The following SNX29 variants were observed in gnomAD, a reference collection of about 807,000 sequenced individuals.
The protein encoded by SNX29 is sorting nexin-29.
In SNX29, 78 loss-of-function variants were observed where a neutral mutation model predicts 102.1. The observed-to-expected ratio is 0.76, with a 90% CI of 0.64 to 0.92. The LOEUF (loss-of-function observed/expected upper bound fraction) is 0.92, where lower values mean the gene tolerates loss of function less well. Among genes scored for constraint, SNX29 ranks in the 40% least tolerant of loss-of-function variants. SNX29 has a pLI of 0.00. For synonymous variants in SNX29, 580 were observed against 414.5 expected (o/e 1.40, Z -4.85); for missense variants, 1,280 against 1,061.7 (o/e 1.21, Z -2.86).
chr16:12,250,685 G>T (rs1244091102), intron 14 of SNX29, among the ~76,000 whole-genome samples: 1 of 152,242 alleles, frequency 6.6e-6, no homozygotes, highest in Non-Finnish European at 1.5e-5. Context: ...GCAGATCTGT[G>T]CACAGGTGGT....
At chr16:12,299,121 G>A (rs184853040) in intron 15 of SNX29, among the ~76,000 whole-genome samples, 197 of 152,052 alleles carry the variant, frequency 1.3e-3, no homozygotes, top group African/African-American at 4.4e-3. Context: ...CCAACATGGC[G>A]AGACCCTATC....
chr16:12,232,105 T>C (rs911320419), intron 14 of SNX29, among the ~76,000 whole-genome samples: 6 of 152,204 alleles, frequency 3.9e-5, no homozygotes, highest in Admixed American at 3.3e-4. Flanking sequence ...GCAGTTGTTG[T>C]GATTTAGGCA....
chr16:12,482,507 C>T (rs139809767), intron 19 of SNX29, among the ~76,000 whole-genome samples: 1,552 of 152,074 alleles, frequency 0.01, 23 homozygotes, highest in African/African-American at 0.036. Flanking sequence ...TCACCATGTT[C>T]GCCAGGCTGG....
chr16:12,015,299 G>A (rs2056810341), intron 3 of SNX29, among the ~76,000 whole-genome samples: 1 of 151,688 alleles, frequency 6.6e-6, no homozygotes, highest in African/African-American at 2.4e-5. Flanking sequence ...CCAGATTGGA[G>A]TGCTGTAGTG....
intron 19 of SNX29, chr16:12,515,473 GA>G: frequency 2.1e-6 from 1 of 483,552 alleles, no homozygotes; most frequent in African/African-American, 2.0e-5. Flanking sequence ...CTCTGAAATA[GA>G]ACTGAAACCC....
At chr16:12,445,744 T>G (rs1004000624) in intron 18 of SNX29, among the ~76,000 whole-genome samples, 4 of 152,222 alleles carry the variant, frequency 2.6e-5, no homozygotes, top group African/African-American at 9.6e-5. Flanking sequence ...TAAAAATGGC[T>G]GACACTCAGC....
chr16:12,412,647 C>T (rs1558819), intron 18 of SNX29, among the ~76,000 whole-genome samples: 7 of 152,084 alleles, frequency 4.6e-5, no homozygotes, highest in Non-Finnish European at 1.0e-4. Context: ...TAGAGCTCAC[C>T]TGTGTGTGCG....
chr16:12,571,855 C>T lies in SNX29; in HGVS notation c.*3226C>T, dbSNP rs972647049. On this transcript the variant is annotated 3_prime_UTR_variant, in exon 21 of 21. Coordinates refer to ENST00000566228, the MANE Select transcript of SNX29 (RefSeq NM_032167.5). ...TTAGCAGTATGCTCCAATCACGTTG[C>T]TGGCAAGGCATTTTAGAGTTTGGAG... The T allele has an allele frequency of 1.9e-6, 2 of 1,060,000 alleles. No homozygotes were observed. Among genetic ancestry groups the T allele is most frequent in the East Asian group, 5.1e-5 (1 of 19,594 alleles). The allele number at this position is 1,060,000 out of a possible 1,614,324, so 65.7% of individuals were successfully genotyped here.
At chr16:12,547,935 C>A (rs1187931070) in intron 20 of SNX29, among the ~76,000 whole-genome samples, 2 of 152,152 alleles carry the variant, frequency 1.3e-5, no homozygotes, top group African/African-American at 2.4e-5. Flanking sequence ...TACCTCAATT[C>A]CCAGTCTGCC....
intron 10 of SNX29, among the ~76,000 whole-genome samples, chr16:12,071,733 T>C (rs181224453): frequency 4.9e-4 from 75 of 152,318 alleles, no homozygotes; most frequent in Non-Finnish European, 9.3e-4. Flanking sequence ...TTGATGGGGA[T>C]GGCATTGAAT....
intron 15 of SNX29, among the ~76,000 whole-genome samples, chr16:12,337,269 T>C (rs1020627164): frequency 6.6e-6 from 1 of 152,134 alleles, no homozygotes; most frequent in Non-Finnish European, 1.5e-5. Flanking sequence ...TTTTTTTTTT[T>C]ACTTAGCTAT....
chr16:12,045,899 C>T (rs62037734), intron 5 of SNX29, among the ~76,000 whole-genome samples: 59,546 of 151,696 alleles, frequency 0.39, 12,348 homozygotes, highest in Middle Eastern at 0.5. Flanking sequence ...GCTGGGATTA[C>T]AGGTGTGAGC....
At chr16:12,394,511 T>G (rs1281607492) in intron 16 of SNX29, among the ~76,000 whole-genome samples, 1 of 152,220 alleles carries the variant, frequency 6.6e-6, no homozygotes, top group Non-Finnish European at 1.5e-5. Context: ...CTTGGCTATT[T>G]TTTTATCTCT....
At position 11,997,635 on chromosome 16, in the gene SNX29, G is replaced by T. The variant is rs1300461573; in HGVS notation, c.8-1662G>T. On this transcript the variant is annotated intron_variant, in intron 1 of 20. Transcript: ENST00000566228. ...TGGGACCACAGGTGTGTGCCACCACGCCCGGCTAATTTTTTGTGTTTTTGG... is the reference window on the plus strand; with the variant it reads ...TGGGACCACAGGTGTGTGCCACCACTCCCGGCTAATTTTTTGTGTTTTTGG... 4.6e-5 allele frequency among the ~76,000 whole-genome samples: 7 copies of T among 151,900 alleles called. No individual in the cohort carries two copies. In the East Asian group the frequency reaches 1.2e-3, roughly 25 times the overall value.
At chr16:12,543,572 C>G (rs1473652512) in intron 20 of SNX29, among the ~76,000 whole-genome samples, 4 of 152,232 alleles carry the variant, frequency 2.6e-5, no homozygotes, top group African/African-American at 4.8e-5. Context: ...CGAGATCACG[C>G]TTCCGTGGTG....
Position 12,063,366 on chromosome 16 carries a change from C to CTTTTTTTTTTTTTTTTTTTTTTTTTTTT in SNX29, c.1243+1746_1243+1747insTTTTTTTTTTTTTTTTTTTTTTTTTTTT, listed in dbSNP as rs369015533. ...CCCACCTCTTCTTTTCCTAGTCCAT[C>CTTTTTTTTTTTTTTTTTTTTTTTTTTTT]TTTTTTTTTTTTTTTTTTTTTTTTT... On this transcript the variant is annotated intron_variant, in intron 9 of 20. Coordinates refer to ENST00000566228, the MANE Select transcript of SNX29 (RefSeq NM_032167.5). Among the ~76,000 whole-genome samples the CTTTTTTTTTTTTTTTTTTTTTTTTTTTT allele has an allele frequency of 6.9e-4, 38 of 55,396 alleles. 8 individuals are homozygous for CTTTTTTTTTTTTTTTTTTTTTTTTTTTT. Among genetic ancestry groups the CTTTTTTTTTTTTTTTTTTTTTTTTTTTT allele is most frequent in the Non-Finnish European group, 9.9e-4 (30 of 30,390 alleles). 36.3% of individuals were successfully genotyped at this position (55,396 alleles called of 152,430 possible).
chr16:12,571,146 T>A lies in SNX29; in HGVS notation c.*2517T>A, dbSNP rs2079179144. On this transcript the variant is annotated 3_prime_UTR_variant, in exon 21 of 21. Transcript: ENST00000566228. ...TCTGCAATGATTGGGTCCATCTTGC[T>A]GCTCAGAAGAATCCCGTCCTGCTCT... 8.6e-6 allele frequency: 2 copies of A among 232,736 alleles called. No individual in the cohort carries two copies. The highest frequency in any genetic ancestry group is 1.2e-4 in the East Asian group (2 of 16,526). 14.4% of individuals were successfully genotyped at this position (232,736 alleles called of 1,614,324 possible). A position where few individuals can be genotyped will look rare whatever the true frequency, so the allele number is the denominator to read the frequency against.
intron 13 of SNX29, among the ~76,000 whole-genome samples, chr16:12,156,697 C>T (rs1186039252): frequency 6.6e-6 from 1 of 152,250 alleles, no homozygotes; most frequent in Non-Finnish European, 1.5e-5. Flanking sequence ...CAAGGCAGGC[C>T]TCTCTAGGTC....
intron 6 of SNX29, among the ~76,000 whole-genome samples, chr16:12,047,962 C>G (rs930076589): frequency 2.0e-5 from 3 of 152,038 alleles, no homozygotes; most frequent in African/African-American, 7.2e-5. Context: ...CAGCCTGGAT[C>G]AAGGTCTTGT....
Sources: allele counts gnomAD v4.1 joint callset (sites outside exome capture counted in the v4.1 genomes callset), GRCh38; gene constraint gnomAD v4.1.1; transcripts MANE v1.5; gene names NCBI Gene and HGNC (gene_info 2026-07-23, HGNC 2026-07-21).